Variants in DDT observed in about 807,000 individuals in gnomAD.
DDT encodes D-dopachrome tautomerase.
In DDT, 4 loss-of-function variants were observed where a neutral mutation model predicts 2.5. The observed-to-expected ratio is 1.59, with a 90% CI of 0.78 to 3.63. DDT has a LOEUF of 3.63. DDT is among the 30% of genes most tolerant of loss of function. DDT has a pLI of 0.01. For missense variants in DDT, 32 were observed against 30.0 expected (o/e 1.07, Z -0.15); for synonymous variants, 11 against 10.0 (o/e 1.10, Z -0.19).
chr22:23,972,676 G>A (rs1309958441), intron 2 of DDT: 2 of 856,218 alleles, frequency 2.3e-6, no homozygotes, highest in African/African-American at 1.9e-5. Context: ...GTAGCTTGAG[G>A]GAGGACCCAG....
chr22:23,971,866 C>T (rs895016676), intron 2 of DDT: 6 of 523,162 alleles, frequency 1.1e-5, no homozygotes, highest in African/African-American at 9.5e-5. Context: ...ATACAGTAGC[C>T]TCGGTGTGTG....
At position 23,971,569 on chromosome 22, in the gene DDT, C is replaced by T. The variant is rs143991895; in HGVS notation, c.339G>A (p.Thr113=). 8.0e-4 allele frequency: 1,295 copies of T among 1,614,066 alleles called. No individual in the cohort carries two copies. Among genetic ancestry groups the T allele is most frequent in the Non-Finnish European group, 1.0e-3 (1,216 of 1,179,976 alleles). ...TGCCCAATCATAAAAAAGTCATGAC[C>T]GTCCCTATCTTGCCAATCTGCCAGG... ...LESWQIGKIG[T]VMTFL is the part of the protein sequence containing the mutation. The change falls in exon 3 of 3, where the codon ACG becomes ACA. Residue 113 remains threonine, a synonymous_variant. Coordinates refer to ENST00000398344, the MANE Select transcript of DDT (RefSeq NM_001084392.3).
At chr22:23,971,833 G>A in intron 2 of DDT, 1 of 586,562 alleles carries the variant, frequency 1.7e-6, no homozygotes, top group South Asian at 2.1e-5. Flanking sequence ...CGCACATCAT[G>A]ACCCAGCTAG....
intron 2 of DDT, 54 bp from the exon 3 acceptor site, chr22:23,971,677 T>C: frequency 2.6e-6 from 4 of 1,534,124 alleles, no homozygotes; most frequent in Non-Finnish European, 3.6e-6. Flanking sequence ...TACCACATCT[T>C]GCAAGACCCC....
At chr22:23,972,112 T>C (rs1018016639) in intron 2 of DDT, 1 of 956,020 alleles carries the variant, frequency 1.0e-6, no homozygotes, top group African/African-American at 1.8e-5. Flanking sequence ...ACAGCCTGGT[T>C]GGGGCGGGCG....
chr22:23,975,234 AC>A (rs1200701874), upstream of DDT, among the ~76,000 whole-genome samples: 3 of 150,346 alleles, frequency 2.0e-5, no homozygotes, highest in South Asian at 4.2e-4. Context: ...TACTAAAGAT[AC>A]AAAAATTAGC....
intron 2 of DDT, chr22:23,971,946 C>T (rs1431474940): frequency 3.9e-6 from 1 of 254,042 alleles, no homozygotes; most frequent in Non-Finnish European, 7.3e-6. Flanking sequence ...TGCAGGCTCC[C>T]TAAGGGCACA....
In DDT at chr22:23,972,895, C is replaced by T. The variant is rs1315998384; in HGVS notation, c.284+873G>A. 9.7e-3 allele frequency: 554 copies of T among 57,002 alleles called. 2 individuals are homozygous for T. Among genetic ancestry groups the T allele is most frequent in the African/African-American group, 0.035 (527 of 14,946 alleles). 3.5% of individuals were successfully genotyped at this position (57,002 alleles called of 1,614,324 possible). A position where few individuals can be genotyped will look rare whatever the true frequency, so the allele number is the denominator to read the frequency against. On this transcript the variant is annotated intron_variant, in intron 2 of 2. Coordinates refer to ENST00000398344, the MANE Select transcript of DDT (RefSeq NM_001084392.3). ...GACTACATGTGCACACCACCATGTC[C>T]GGTTAATTTTTAAAACTGTTTTGGG...
At chr22:23,971,812 T>C in intron 2 of DDT, 189 bp from the exon 3 acceptor site, 1 of 616,130 alleles carries the variant, frequency 1.6e-6, no homozygotes, top group South Asian at 2.0e-5. Flanking sequence ...CACTCAGGTG[T>C]GGGAGGTAGC....
chr22:23,971,636 G>A lies in DDT; in HGVS notation c.285-13C>T, dbSNP rs1277849537. The A allele has an allele frequency of 2.5e-6, 4 of 1,599,548 alleles. No homozygotes were observed. The highest frequency in any genetic ancestry group is 2.2e-5 in the South Asian group (2 of 90,704). On this transcript the variant is annotated splice_polypyrimidine_tract_variant and intron_variant, in intron 2 of 2. Transcript: ENST00000398344. Reference sequence around the variant, plus strand: ...GCGGATAAGTATCCTTCAGGAGACAGAGAAAAAGATATCATCAGCTCCTTG... The same window carrying A: ...GCGGATAAGTATCCTTCAGGAGACAAAGAAAAAGATATCATCAGCTCCTTG...
intron 2 of DDT, chr22:23,972,667 T>C (rs2033930006): frequency 1.3e-6 from 1 of 780,236 alleles, no homozygotes; most frequent in Admixed American, 5.6e-5. Flanking sequence ...TATTCCTCTG[T>C]AGCTTGAGGG....
At chr22:23,972,167 G>C in intron 2 of DDT, 1 of 967,574 alleles carries the variant, frequency 1.0e-6, no homozygotes. Flanking sequence ...TGGCATAATG[G>C]AGATTATCTA....
Position 23,971,505 on chromosome 22 carries a change from G to A in DDT, c.*46C>T. On this transcript the variant is annotated 3_prime_UTR_variant, in exon 3 of 3. Coordinates refer to ENST00000398344, the MANE Select transcript of DDT (RefSeq NM_001084392.3). ...CTCACTCTGCCAAGAGATCTCTCTG[G>A]AAGAAGCAGCCAGTTCACAGATGCC... 1.2e-6 allele frequency: 2 copies of A among 1,611,472 alleles called. No homozygotes were observed. The highest frequency in any genetic ancestry group is 1.7e-6 in the Non-Finnish European group (2 of 1,178,330).
chr22:23,971,848 G>A (rs1476510000), intron 2 of DDT: 2 of 567,742 alleles, frequency 3.5e-6, no homozygotes, highest in East Asian at 6.1e-5. Flanking sequence ...AGCTAGGACA[G>A]ACACACAATA....
At position 23,971,502 on chromosome 22, in the gene DDT, C is replaced by G; in HGVS notation, c.*49G>C. On this transcript the variant is annotated 3_prime_UTR_variant, in exon 3 of 3. Coordinates refer to ENST00000398344, the MANE Select transcript of DDT (RefSeq NM_001084392.3). ...GCCCTCACTCTGCCAAGAGATCTCT[C>G]TGGAAGAAGCAGCCAGTTCACAGAT... 6.2e-7 allele frequency: 1 copy of G among 1,610,920 alleles called. No homozygotes were observed. Among genetic ancestry groups the G allele is most frequent in the East Asian group, 2.2e-5 (1 of 44,846 alleles).
At position 23,971,633 on chromosome 22, in the gene DDT, A is replaced by C. The variant is rs942623701; in HGVS notation, c.285-10T>G. 3.1e-6 allele frequency: 5 copies of C among 1,599,520 alleles called. No individual in the cohort carries two copies. The South Asian group carries it at 5.5e-5, about 18-fold the overall frequency. ...AAAGCGGATAAGTATCCTTCAGGAG[A>C]CAGAGAAAAAGATATCATCAGCTCC... On this transcript the variant is annotated splice_polypyrimidine_tract_variant and intron_variant, in intron 2 of 2. Coordinates refer to ENST00000398344, the MANE Select transcript of DDT (RefSeq NM_001084392.3).
intron 2 of DDT, 39 bp from the exon 3 acceptor site, chr22:23,971,662 G>A (rs2033906903): frequency 6.3e-7 from 1 of 1,583,442 alleles, no homozygotes; most frequent in Non-Finnish European, 8.7e-7. Context: ...CAGCTCCTTG[G>A]CTAATACCAC....
At position 23,971,408 on chromosome 22, in the gene DDT, G is replaced by T. The variant is rs1038342504; in HGVS notation, c.*143C>A. On this transcript the variant is annotated 3_prime_UTR_variant, in exon 3 of 3. Transcript: ENST00000398344. ...GCTCTCTTCATTTATTTCATATGAG[G>T]ATGAAGAAGAGGATTATGTGATCAC... The T allele has an allele frequency of 1.9e-6, 3 of 1,613,146 alleles. No homozygotes were observed. Among genetic ancestry groups the T allele is most frequent in the South Asian group, 2.2e-5 (2 of 90,944 alleles).
rs1354158561 is a variant in DDT at position 23,971,762 on chromosome 22, C to G, written c.285-139G>C. 4 of 732,636 alleles carry G rather than the reference C, an allele frequency of 5.5e-6. No individual in the cohort carries two copies. The African/African-American group carries it at 7.1e-5, about 13-fold the overall frequency. 45.4% of individuals were successfully genotyped at this position (732,636 alleles called of 1,614,324 possible). Reference sequence around the variant, plus strand: ...CAGGCATTTTGCAAACCTGCTCATCCCAATAATGATTTTCCCCAACCCCCA... The same window carrying G: ...CAGGCATTTTGCAAACCTGCTCATCGCAATAATGATTTTCCCCAACCCCCA... On this transcript the variant is annotated intron_variant, in intron 2 of 2. Coordinates refer to ENST00000398344, the MANE Select transcript of DDT (RefSeq NM_001084392.3).
Sources: gnomAD v4.1 joint callset for allele counts (sites outside exome capture counted in the v4.1 genomes callset) on GRCh38, gnomAD v4.1.1 for gene constraint, MANE v1.5 for transcripts, NCBI Gene and HGNC (gene_info 2026-07-23, HGNC 2026-07-21) for gene names.